Variants in MIPEP observed in about 807,000 individuals in gnomAD.
The protein encoded by MIPEP is mitochondrial intermediate peptidase.
MIPEP carries 79 observed loss-of-function variants against 90.3 expected under a neutral mutation model. The observed-to-expected ratio is 0.87, with a 90% CI of 0.73 to 1.05. MIPEP has a LOEUF of 1.05. Among genes scored for constraint, MIPEP ranks in the 50% least tolerant of loss-of-function variants. MIPEP has a pLI of 0.00. For missense variants in MIPEP, 940 were observed against 905.6 expected (o/e 1.04, Z -0.49); for synonymous variants, 334 against 315.8 (o/e 1.06, Z -0.61).
At chr13:23,807,487 C>T (rs1319843424) in intron 15 of MIPEP, among the ~76,000 whole-genome samples, 2 of 152,176 alleles carry the variant, frequency 1.3e-5, no homozygotes, top group Non-Finnish European at 2.9e-5. Flanking sequence ...TGGCTTCTGG[C>T]TGCATCTAGA....
At chr13:23,830,658 A>G (rs943169158) in intron 14 of MIPEP, among the ~76,000 whole-genome samples, 1 of 152,172 alleles carries the variant, frequency 6.6e-6, no homozygotes, top group African/African-American at 2.4e-5. Flanking sequence ...CCCTTCCACT[A>G]TTCCTAGTAA....
chr13:23,831,380 T>TAGC (rs1868733633), intron 14 of MIPEP, among the ~76,000 whole-genome samples: 1 of 15,644 alleles, frequency 6.4e-5, no homozygotes, highest in Non-Finnish European at 1.3e-3. Flanking sequence ...AGCTTCCCCA[T>TAGC]GGCGGGGGGG....
chr13:23,847,310 C>T (rs1216826202), intron 10 of MIPEP, among the ~76,000 whole-genome samples: 1 of 151,744 alleles, frequency 6.6e-6, no homozygotes, highest in Admixed American at 6.6e-5. Flanking sequence ...AGATTGAGAA[C>T]GATCAATTTA....
rs1218949959 is a variant in MIPEP, at chr13:23,775,824, A to T, written c.1849-15607T>A. ...GAAGAAGAGATAAATCAAATGGAGG[A>T]ACTTCTGTTTCATCAGCATAATGGG... On this transcript the variant is annotated intron_variant, in intron 16 of 18. Transcript: ENST00000382172. Among the ~76,000 whole-genome samples, 3 of 152,340 alleles carry T rather than the reference A, an allele frequency of 2.0e-5. No individual in the cohort carries two copies. The East Asian group carries it at 5.8e-4, about 29-fold the overall frequency.
rs1028509884 is a variant in MIPEP, at chr13:23,821,881, C to T, written c.1654-11957G>A. On this transcript the variant is annotated intron_variant, in intron 14 of 18. Coordinates refer to ENST00000382172, the MANE Select transcript of MIPEP (RefSeq NM_005932.4). Reference sequence around the variant, plus strand: ...TTTAATAATTGTGTTGTTATTATTACTATTTTTTCCAAGTATTTTTGACCC... The same window carrying T: ...TTTAATAATTGTGTTGTTATTATTATTATTTTTTCCAAGTATTTTTGACCC... 5.3e-5 allele frequency among the ~76,000 whole-genome samples: 8 copies of T among 152,218 alleles called. No individual in the cohort carries two copies. In the East Asian group the frequency reaches 1.4e-3, roughly 26 times the overall value.
intron 18 of MIPEP, among the ~76,000 whole-genome samples, chr13:23,739,057 G>A (rs1009454767): frequency 6.6e-6 from 1 of 152,230 alleles, no homozygotes; most frequent in African/African-American, 2.4e-5. Context: ...GAAAGATGTA[G>A]ACGATTGTAA....
At position 23,855,506 on chromosome 13, in the gene MIPEP, C is replaced by A. The variant is rs555407250; in HGVS notation, c.1106+3354G>T. Among the ~76,000 whole-genome samples the A allele has an allele frequency of 3.9e-3, 599 of 152,226 alleles. 5 individuals carry two copies. Among genetic ancestry groups the A allele is most frequent in the African/African-American group, 0.014 (566 of 41,534 alleles). On this transcript the variant is annotated intron_variant, in intron 10 of 18. Coordinates refer to ENST00000382172, the MANE Select transcript of MIPEP (RefSeq NM_005932.4). Reference sequence around the variant, plus strand: ...ATATTTCATTTTGTGTCAAGCCACACATTTAAGTCTTTACTTGAAAGGTGA... The same window carrying A: ...ATATTTCATTTTGTGTCAAGCCACAAATTTAAGTCTTTACTTGAAAGGTGA...
chr13:23,852,528 G>A (rs550041587), intron 10 of MIPEP, among the ~76,000 whole-genome samples: 2 of 152,276 alleles, frequency 1.3e-5, no homozygotes, highest in Admixed American at 1.3e-4. Context: ...TAGTAACATT[G>A]TAGCTGTCAT....
In MIPEP at chr13:23,841,355, T is replaced by C. The variant is rs41315044; in HGVS notation, c.1240A>G (p.Ser414Gly). The C allele has an allele frequency of 2.5e-4, 400 of 1,613,228 alleles. 1 individual carries two copies. Among genetic ancestry groups the C allele is most frequent in the Middle Eastern group, 3.3e-4 (2 of 6,062 alleles). ...AEQPAKGEVWSEDVRKLAVVH... is the reference protein window; with the variant it reads ...AEQPAKGEVWGEDVRKLAVVH... ...CTCACCAGTTTTCGGACATCTTCGC[T>C]CCACACCTCTCCTTTTGCAGGCTGC... Residue 414 changes from serine (S) to glycine (G), a missense_variant, in exon 11 of 19, where the codon AGC becomes GGC. By Grantham distance (56) the Ser-to-Gly change is moderately conservative. Transcript: ENST00000382172.
At chr13:23,828,154 A>C (rs1868555334) in intron 14 of MIPEP, among the ~76,000 whole-genome samples, 2 of 152,240 alleles carry the variant, frequency 1.3e-5, no homozygotes, top group Admixed American at 1.3e-4. Context: ...TGATTTAAAA[A>C]AATAGTAGCA....
At chr13:23,869,983 TA>T (rs1468262888) in intron 6 of MIPEP, 29 bp downstream of exon 6, 4 of 1,513,748 alleles carry the variant, frequency 2.6e-6, no homozygotes, top group Middle Eastern at 3.5e-4. Flanking sequence ...AAATGGGACC[TA>T]AACAACAAAG....
Position 23,839,155 on chromosome 13 carries a change from C to T in MIPEP, c.1338+494G>A, listed in dbSNP as rs1383472666. 2.6e-5 allele frequency among the ~76,000 whole-genome samples: 4 copies of T among 152,296 alleles called. No homozygotes were observed. The East Asian group carries it at 7.7e-4, about 29-fold the overall frequency. On this transcript the variant is annotated intron_variant, in intron 12 of 18. Transcript: ENST00000382172. The stretch of plus-strand genomic sequence containing the variant: ...GCTACTTGGTGGTTGGTAAGGTTTC[C>T]ACATGGAGTATCTTCCGCAGTTTTA...
chr13:23,886,422 CA>C lies in MIPEP; in HGVS notation c.273del (p.Val92TrpfsTer15). ...QEKALRKTEL[L>X]VDRACSTPPG... is the part of the protein sequence containing the mutation. ...GGTGGGGTGGAACATGCACGGTCCA[CA>C]AGCAATTCTGTCTTTCTCAAGGCTT... On this transcript the variant is annotated frameshift_variant, in exon 2 of 19. Coordinates refer to ENST00000382172, the MANE Select transcript of MIPEP (RefSeq NM_005932.4). LOFTEE classifies it high-confidence loss of function. The C allele has an allele frequency of 6.2e-7, 1 of 1,608,970 alleles. No individual in the cohort carries two copies. The highest frequency in any genetic ancestry group is 8.5e-7 in the Non-Finnish European group (1 of 1,177,290).
chr13:23,787,079 C>A (rs1468385622), intron 16 of MIPEP, among the ~76,000 whole-genome samples: 1 of 152,176 alleles, frequency 6.6e-6, no homozygotes, highest in Non-Finnish European at 1.5e-5. Flanking sequence ...AAGTGGCAAG[C>A]AGATTGCTCA....
chr13:23,768,983 C>CA (rs1952621617), intron 16 of MIPEP, among the ~76,000 whole-genome samples: 1 of 152,152 alleles, frequency 6.6e-6, no homozygotes, highest in Non-Finnish European at 1.5e-5. Flanking sequence ...AGAAAGGTAA[C>CA]ATGGATCTAA....
intron 1 of MIPEP, 35 bp downstream of exon 1, chr13:23,889,097 C>CG (rs1871670718): frequency 2.9e-6 from 4 of 1,382,942 alleles, no homozygotes; most frequent in Admixed American, 3.6e-5. Flanking sequence ...CGGCTTAGCT[C>CG]GGGGACTGAG....
At chr13:23,834,427 T>C (rs74041405) in intron 14 of MIPEP, among the ~76,000 whole-genome samples, 15,822 of 152,216 alleles carry the variant, frequency 0.1, 1,053 homozygotes, top group Admixed American at 0.19. Context: ...GGGCTTTGCC[T>C]TCGGGCGGTA....
At chr13:23,857,965 T>C (rs1593194615) in intron 10 of MIPEP, among the ~76,000 whole-genome samples, 1 of 152,128 alleles carries the variant, frequency 6.6e-6, no homozygotes, top group Admixed American at 6.5e-5. Flanking sequence ...TCACAGTACA[T>C]GCTGGTATGC....
intron 7 of MIPEP, among the ~76,000 whole-genome samples, chr13:23,864,684 C>T (rs1870453684): frequency 7.1e-6 from 1 of 140,154 alleles, no homozygotes; most frequent in African/African-American, 2.7e-5. Flanking sequence ...TATAGTGAGC[C>T]CAGACTGTGC....
Sources: allele counts gnomAD v4.1 joint callset (sites outside exome capture counted in the v4.1 genomes callset), GRCh38; gene constraint gnomAD v4.1.1; transcripts MANE v1.5; gene names NCBI Gene and HGNC (gene_info 2026-07-23, HGNC 2026-07-21).